The following OCA2 variants were observed in gnomAD, a reference collection of about 807,000 sequenced individuals.
OCA2 encodes the protein P protein.
In OCA2, 77 loss-of-function variants were observed where a neutral mutation model predicts 100.2. That is an observed-to-expected ratio of 0.77 (90% CI 0.64 to 0.93). OCA2 has a LOEUF of 0.93. Among genes scored for constraint, OCA2 ranks in the 40% least tolerant of loss-of-function variants. The pLI, the probability that OCA2 is intolerant of heterozygous loss-of-function variation, is 0.00. For missense variants in OCA2, 1,062 were observed against 1,089.1 expected (o/e 0.98, Z 0.35); for synonymous variants, 432 against 439.2 (o/e 0.98, Z 0.21).
rs1202132050 is a variant in OCA2, at chr15:27,985,179, G to T, written c.1249C>A (p.Leu417Ile). ...FDYCAVKAYRLSRGRVWAMII... is the reference protein window; with the variant it reads ...FDYCAVKAYRISRGRVWAMII... ...ATGGCCCACACCCGTCCCCGGGAGA[G>T]CCGGTATGCCTGGCCACACACACAC... Residue 417 changes from leucine (L) to isoleucine (I), a missense_variant, in exon 13 of 24, where the codon CTC becomes ATC. Leu to Ile is a conservative substitution (Grantham distance 5). Transcript: ENST00000354638. 1.9e-6 allele frequency: 3 copies of T among 1,613,746 alleles called. No individual in the cohort carries two copies. Among genetic ancestry groups the T allele is most frequent in the Non-Finnish European group, 2.5e-6 (3 of 1,179,956 alleles).
At chr15:27,970,196 AG>A (rs1214797850) in intron 14 of OCA2, among the ~76,000 whole-genome samples, 2 of 152,034 alleles carry the variant, frequency 1.3e-5, no homozygotes, top group African/African-American at 4.8e-5. Context: ...GGAGGGGATG[AG>A]CTTTGCTAGC....
intron 2 of OCA2, among the ~76,000 whole-genome samples, chr15:28,048,144 C>T (rs932792536): frequency 2.0e-5 from 3 of 151,854 alleles, no homozygotes; most frequent in African/African-American, 7.3e-5. Flanking sequence ...TAAAATGCAC[C>T]CTATGTTCAT....
At chr15:28,014,203 C>T (rs1197552952) in intron 9 of OCA2, among the ~76,000 whole-genome samples, 3 of 152,222 alleles carry the variant, frequency 2.0e-5, no homozygotes, top group African/African-American at 7.2e-5. Flanking sequence ...CAGGAAGGGT[C>T]TGCACATTGC....
chr15:27,995,559 A>ATTT (rs5811523), intron 9 of OCA2, among the ~76,000 whole-genome samples: 86,573 of 147,854 alleles, frequency 0.59, 29,008 homozygotes, highest in Non-Finnish European at 0.77. Context: ...TGTCCAGCTA[A>ATTT]TTTTTTTTTT....
At chr15:27,924,025 G>A (rs1293395753) in intron 19 of OCA2, among the ~76,000 whole-genome samples, 1 of 152,028 alleles carries the variant, frequency 6.6e-6, no homozygotes, top group African/African-American at 2.4e-5. Context: ...AACTTGAGTT[G>A]ATTTTTGTAT....
chr15:27,925,975 A>T, intron 19 of OCA2, 152 bp downstream of exon 19: 2 of 877,778 alleles, frequency 2.3e-6, no homozygotes, highest in Non-Finnish European at 3.5e-6. Flanking sequence ...AAAGCTGGTT[A>T]ACTTAAAATA....
chr15:27,941,467 G>C (rs930942477), intron 18 of OCA2, among the ~76,000 whole-genome samples: 7 of 152,228 alleles, frequency 4.6e-5, no homozygotes. Context: ...AATGAAAAAT[G>C]AAGTGAGAAA....
intron 1 of OCA2, among the ~76,000 whole-genome samples, chr15:28,097,005 C>G (rs971357201): frequency 2.0e-4 from 31 of 152,196 alleles, no homozygotes; most frequent in African/African-American, 7.5e-4. Context: ...CTCTGCTACC[C>G]CAGCTGCGGG....
intron 23 of OCA2, among the ~76,000 whole-genome samples, chr15:27,823,094 G>A (rs147998750): frequency 6.6e-5 from 10 of 152,332 alleles, no homozygotes; most frequent in Non-Finnish European, 1.0e-4. Context: ...GCATGGTGCC[G>A]TATATTCAAA....
chr15:28,092,351 A>C (rs997172301), intron 1 of OCA2, among the ~76,000 whole-genome samples: 1 of 152,284 alleles, frequency 6.6e-6, no homozygotes, highest in Non-Finnish European at 1.5e-5. Flanking sequence ...CTGAAAAAAA[A>C]CATTAAATTG....
At chr15:27,767,789 G>A (rs899142343) in intron 23 of OCA2, among the ~76,000 whole-genome samples, 1 of 152,138 alleles carries the variant, frequency 6.6e-6, no homozygotes, top group Non-Finnish European at 1.5e-5. Flanking sequence ...ATAAAAGCTG[G>A]CCACCCCAGC....
At chr15:27,722,681 T>C in the OCA2 span, among the ~76,000 whole-genome samples, 10 of 148,520 alleles carry the variant, frequency 6.7e-5, no homozygotes, top group African/African-American at 2.5e-4. Flanking sequence ...CTTTTCTTTC[T>C]TTCTTTCTCT....
intron 18 of OCA2, among the ~76,000 whole-genome samples, chr15:27,939,012 G>C (rs989374072): frequency 6.6e-6 from 1 of 152,178 alleles, no homozygotes; most frequent in African/African-American, 2.4e-5. Flanking sequence ...CCATACGCTT[G>C]CTGAGGCCAT....
the OCA2 span, among the ~76,000 whole-genome samples, chr15:27,743,987 A>G: frequency 4.3e-4 from 66 of 152,156 alleles, no homozygotes; most frequent in Non-Finnish European, 6.6e-4. Flanking sequence ...TCCCCCCAGG[A>G]AACCTCTCAC....
chr15:27,837,772 G>A (rs371803971), intron 23 of OCA2, among the ~76,000 whole-genome samples: 8 of 151,534 alleles, frequency 5.3e-5, no homozygotes, highest in African/African-American at 1.9e-4. Context: ...GCAGGCAGGC[G>A]TGCCCATCAA....
intron 2 of OCA2, among the ~76,000 whole-genome samples, chr15:28,039,024 C>T (rs942059480): frequency 6.6e-6 from 1 of 151,764 alleles, no homozygotes; most frequent in South Asian, 2.1e-4. Context: ...AGAGTTAAGA[C>T]GAAATAGACT....
intron 1 of OCA2, among the ~76,000 whole-genome samples, chr15:28,095,521 A>G (rs940638552): frequency 6.6e-6 from 1 of 152,168 alleles, no homozygotes; most frequent in African/African-American, 2.4e-5. Flanking sequence ...GTTCGTGACC[A>G]GGCTGACCAA....
chr15:28,030,050 A>T (rs752444216), intron 3 of OCA2, among the ~76,000 whole-genome samples: 2 of 152,248 alleles, frequency 1.3e-5, no homozygotes, highest in Non-Finnish European at 2.9e-5. Context: ...TTCACAATTT[A>T]CCAAGTAATT....
chr15:27,861,332 A>G (rs1411582597), intron 21 of OCA2, among the ~76,000 whole-genome samples: 1 of 152,188 alleles, frequency 6.6e-6, no homozygotes, highest in Admixed American at 6.5e-5. Context: ...AGTCTGTAAC[A>G]CCTGCAGTGC....
Sources: allele counts gnomAD v4.1 joint callset (sites outside exome capture counted in the v4.1 genomes callset), GRCh38; gene constraint gnomAD v4.1.1; transcripts MANE v1.5; gene names NCBI Gene and HGNC (gene_info 2026-07-23, HGNC 2026-07-21).